The following PLCH1 variants were observed in gnomAD, a reference collection of about 807,000 sequenced individuals.
PLCH1 encodes the protein phospholipase C eta 1, also known as 1-phosphatidylinositol 4,5-bisphosphate phosphodiesterase eta-1.
Under a neutral mutation model 126.7 loss-of-function variants are expected in PLCH1, and 60 were observed. The ratio of observed to expected loss-of-function variants is 0.47; its 90% CI spans 0.38 to 0.59. The LOEUF (loss-of-function observed/expected upper bound fraction) is 0.59. PLCH1 is among the 20% of genes least tolerant of loss of function. PLCH1 has a pLI of 0.00. For missense variants in PLCH1, 1,723 were observed against 2,040.0 expected (o/e 0.84, Z 2.99); for synonymous variants, 719 against 734.9 (o/e 0.98, Z 0.35).
chr3:155,478,265 A>T (rs1307978433), downstream of PLCH1, among the ~76,000 whole-genome samples: 1 of 152,154 alleles, frequency 6.6e-6, no homozygotes, highest in Admixed American at 6.6e-5. Flanking sequence ...GGAGACTGGG[A>T]GTAGGGAGGT....
downstream of PLCH1, among the ~76,000 whole-genome samples, chr3:155,479,216 A>G (rs1713682517): frequency 6.6e-6 from 1 of 152,220 alleles, no homozygotes; most frequent in Admixed American, 6.5e-5. Context: ...CAGCATGTCA[A>G]TCCCTTCTAA....
chr3:155,459,774 C>G (rs748541848), intron 21 of PLCH1, among the ~76,000 whole-genome samples: 4 of 152,096 alleles, frequency 2.6e-5, no homozygotes, highest in African/African-American at 9.7e-5. Context: ...ATGTAATGAC[C>G]ATAATGAGCA....
At chr3:155,484,513 A>G (rs774979351) in intron 22 of PLCH1, among the ~76,000 whole-genome samples, 4 of 152,234 alleles carry the variant, frequency 2.6e-5, no homozygotes, top group Non-Finnish European at 5.9e-5. Context: ...TAAAAGAATA[A>G]TTTTGCTAAA....
At chr3:155,672,699 C>A (rs1478278747) in intron 2 of PLCH1, among the ~76,000 whole-genome samples, 1 of 152,132 alleles carries the variant, frequency 6.6e-6, no homozygotes, top group East Asian at 1.9e-4. Context: ...TGTTAAATTT[C>A]TTATCAGGCA....
intron 2 of PLCH1, among the ~76,000 whole-genome samples, chr3:155,609,474 AC>A (rs1359981512): frequency 6.6e-6 from 1 of 152,214 alleles, no homozygotes; most frequent in Non-Finnish European, 1.5e-5. Context: ...TGGTACTATG[AC>A]AAAAAAAGAT....
chr3:155,584,195 T>A (rs1330320352), intron 5 of PLCH1, among the ~76,000 whole-genome samples: 1 of 152,098 alleles, frequency 6.6e-6, no homozygotes. Context: ...AAAGCCCGAT[T>A]TCTAAAGAAC....
intron 19 of PLCH1, among the ~76,000 whole-genome samples, chr3:155,489,391 C>T (rs935840783): frequency 2.6e-5 from 4 of 151,996 alleles, no homozygotes; most frequent in Non-Finnish European, 5.9e-5. Context: ...ATATATATTA[C>T]TGACTTTCAA....
intron 7 of PLCH1, 55 bp from the exon 8 acceptor site, chr3:155,565,173 G>T: frequency 8.2e-7 from 1 of 1,223,736 alleles, no homozygotes; most frequent in Non-Finnish European, 1.2e-6. Context: ...ATACTTAATG[G>T]CTCTAAGAGG....
intron 21 of PLCH1, among the ~76,000 whole-genome samples, chr3:155,458,314 C>A (rs1712514346): frequency 7.6e-6 from 1 of 131,054 alleles, no homozygotes; most frequent in African/African-American, 2.9e-5. Context: ...TGCACTCCAG[C>A]CTGGGGAACA....
intron 8 of PLCH1, among the ~76,000 whole-genome samples, chr3:155,561,893 T>C (rs1440767946): frequency 6.6e-6 from 1 of 152,196 alleles, no homozygotes; most frequent in African/African-American, 2.4e-5. Context: ...GTGATTCTCC[T>C]GCCTCAGCCT....
At chr3:155,514,350 C>T (rs1315798617) in intron 12 of PLCH1, among the ~76,000 whole-genome samples, 1 of 152,120 alleles carries the variant, frequency 6.6e-6, no homozygotes, top group Non-Finnish European at 1.5e-5. Context: ...CTGAAGAGCC[C>T]TCAGCCCTGA....
chr3:155,475,889 A>G (rs1013887637), downstream of PLCH1, among the ~76,000 whole-genome samples: 4 of 152,322 alleles, frequency 2.6e-5, no homozygotes, highest in Non-Finnish European at 5.9e-5. Context: ...AAACATTTAA[A>G]GAATGACTTA....
At chr3:155,489,818 T>C (rs1353164552) in intron 19 of PLCH1, among the ~76,000 whole-genome samples, 1 of 152,216 alleles carries the variant, frequency 6.6e-6, no homozygotes, top group Non-Finnish European at 1.5e-5. Context: ...TAAAAATGTA[T>C]GCATTTCGGA....
chr3:155,732,877 CAAAAAA>C (rs71155063), intron 1 of PLCH1, among the ~76,000 whole-genome samples: 5 of 80,254 alleles, frequency 6.2e-5, no homozygotes, highest in Admixed American at 1.5e-4. Context: ...GACTGCATCT[CAAAAAA>C]AAAAAAAAAA....
intron 8 of PLCH1, among the ~76,000 whole-genome samples, chr3:155,561,745 C>A (rs982915185): frequency 1.3e-5 from 2 of 152,012 alleles, no homozygotes; most frequent in African/African-American, 4.8e-5. Context: ...TTTACAGTCC[C>A]ACCAACAGTG....
intron 10 of PLCH1, among the ~76,000 whole-genome samples, chr3:155,544,195 T>C (rs1298936697): frequency 2.0e-5 from 3 of 152,150 alleles, no homozygotes; most frequent in Non-Finnish European, 4.4e-5. Context: ...GAGGAAGATC[T>C]ACCAAGCAAA....
chr3:155,506,353 T>A (rs1718702125), intron 12 of PLCH1, among the ~76,000 whole-genome samples: 1 of 151,456 alleles, frequency 6.6e-6, no homozygotes. Flanking sequence ...CTCTTTTTTT[T>A]TTTTTTTTTT....
intron 4 of PLCH1, among the ~76,000 whole-genome samples, chr3:155,593,066 A>C (rs1356798866): frequency 6.6e-6 from 1 of 152,108 alleles, no homozygotes; most frequent in Non-Finnish European, 1.5e-5. Context: ...ATATATCACC[A>C]ACCCCTGCGA....
rs757627274 is a variant in PLCH1, at chr3:155,524,048, C to T, written c.1363-44G>A. 2.6e-6 allele frequency: 3 copies of T among 1,160,716 alleles called. No homozygotes were observed. The South Asian group carries it at 3.8e-5, about 15-fold the overall frequency. The allele number at this position is 1,160,716 out of a possible 1,614,324, so 71.9% of individuals were successfully genotyped here. The stretch of plus-strand genomic sequence containing the variant: ...TCCCATTTAAAAATGAGAATAAATT[C>T]ACAATAGCCAAAAGGTGGAAGTAAC... On this transcript the variant is annotated intron_variant, in intron 10 of 22. Coordinates refer to ENST00000460012, the MANE Select transcript of PLCH1 (RefSeq NM_014996.4).
Sources: allele counts gnomAD v4.1 joint callset (sites outside exome capture counted in the v4.1 genomes callset), GRCh38; gene constraint gnomAD v4.1.1; transcripts MANE v1.5; gene names NCBI Gene and HGNC (gene_info 2026-07-23, HGNC 2026-07-21).